Variants in PRKCH observed in about 807,000 individuals in gnomAD.
PRKCH encodes the protein protein kinase C eta.
PRKCH carries 28 observed loss-of-function variants against 82.5 expected under a neutral mutation model. The ratio of observed to expected loss-of-function variants is 0.34; its 90% confidence interval spans 0.25 to 0.47. The LOEUF is 0.47. Ranked by LOEUF, PRKCH falls within the 20% of genes least tolerant of loss-of-function variation. The pLI, the probability that PRKCH is intolerant of heterozygous loss-of-function variation, is 1.00. For missense variants in PRKCH, 705 were observed against 881.8 expected (o/e 0.80, Z 2.54); for synonymous variants, 322 against 327.4 (o/e 0.98, Z 0.18).
intron 11 of PRKCH, 138 bp from the exon 12 acceptor site, chr14:61,530,269 T>G: frequency 6.3e-6 from 6 of 948,314 alleles, no homozygotes; most frequent in Non-Finnish European, 9.0e-6. Context: ...AGAAATGGAA[T>G]GAAATACGCT....
At chr14:61,443,471 T>C (rs560071444) in intron 3 of PRKCH, among the ~76,000 whole-genome samples, 1 of 152,358 alleles carries the variant, frequency 6.6e-6, no homozygotes, top group South Asian at 2.1e-4. Flanking sequence ...AGATACCATT[T>C]CTTTTTAAAA....
At chr14:61,458,706 A>G (rs1284402341) in intron 9 of PRKCH, among the ~76,000 whole-genome samples, 2 of 152,316 alleles carry the variant, frequency 1.3e-5, no homozygotes, top group East Asian at 3.9e-4. Flanking sequence ...AGAAACTTAC[A>G]GTCATAGCGG....
chr14:61,200,134 C>A (rs1244232801), intron 1 of PRKCH, among the ~76,000 whole-genome samples: 1 of 152,084 alleles, frequency 6.6e-6, no homozygotes, highest in East Asian at 1.9e-4. Flanking sequence ...ACCCTTTCTG[C>A]AAGTGGAGGG....
At chr14:61,430,809 C>T (rs369142225) in intron 2 of PRKCH, among the ~76,000 whole-genome samples, 40 of 150,010 alleles carry the variant, frequency 2.7e-4, no homozygotes, top group Non-Finnish European at 5.2e-4. Flanking sequence ...GGCTAGAATG[C>T]GGTGTCGTGA....
intron 1 of PRKCH, among the ~76,000 whole-genome samples, chr14:61,206,531 T>C (rs1311339489): frequency 6.6e-6 from 1 of 152,182 alleles, no homozygotes; most frequent in Admixed American, 6.5e-5. Context: ...TCCAGGTAGA[T>C]ATGAATTTTA....
intron 10 of PRKCH, among the ~76,000 whole-genome samples, chr14:61,502,561 A>G (rs145640522): frequency 6.6e-5 from 10 of 152,162 alleles, no homozygotes; most frequent in African/African-American, 2.4e-4. Context: ...GTCATTATTT[A>G]TAACTGGATT....
Position 61,539,322 on chromosome 14 carries a change from T to G in PRKCH, c.1762-8421T>G, listed in dbSNP as rs182028862. Among the ~76,000 whole-genome samples the G allele has an allele frequency of 3.3e-4, 50 of 152,280 alleles. 1 individual carries two copies. The East Asian group carries it at 8.3e-3, about 25-fold the overall frequency. ...TATGTGCTTATGAAGGGCTGCTGGA[T>G]TCCAGTCACAGACAGCATGGAAAAC... is the stretch of plus-strand genomic sequence containing the variant. On this transcript the variant is annotated intron_variant, in intron 12 of 13. Transcript: ENST00000332981.
At chr14:61,355,802 C>T (rs1188402211) in intron 1 of PRKCH, among the ~76,000 whole-genome samples, 1 of 152,078 alleles carries the variant, frequency 6.6e-6, no homozygotes, top group African/African-American at 2.4e-5. Context: ...GCCACTTACA[C>T]ATTCTAGCCA....
intron 1 of PRKCH, among the ~76,000 whole-genome samples, chr14:61,358,613 CTCTGTG>C (rs954441383): frequency 1.3e-5 from 2 of 152,200 alleles, no homozygotes; most frequent in African/African-American, 4.8e-5. Context: ...CAGGCTGCCT[CTCTGTG>C]TCTAACAGGG....
chr14:61,325,455 C>T (rs905845287), intron 1 of PRKCH, among the ~76,000 whole-genome samples: 1 of 152,178 alleles, frequency 6.6e-6, no homozygotes, highest in African/African-American at 2.4e-5. Context: ...TACCTCACAT[C>T]CTACAAAGAC....
At chr14:61,352,554 C>T (rs1323108915) in intron 1 of PRKCH, among the ~76,000 whole-genome samples, 2 of 151,826 alleles carry the variant, frequency 1.3e-5, no homozygotes, top group Admixed American at 6.6e-5. Context: ...GTCCCAGCTA[C>T]TCGGGAAGCT....
chr14:61,530,044 G>A (rs979811648), intron 11 of PRKCH, among the ~76,000 whole-genome samples: 8 of 152,112 alleles, frequency 5.3e-5, no homozygotes, highest in South Asian at 2.1e-4. Flanking sequence ...GCGTCATTTA[G>A]CAGAACTAAA....
At chr14:61,326,608 G>A (rs1367896294) in intron 1 of PRKCH, among the ~76,000 whole-genome samples, 1 of 152,080 alleles carries the variant, frequency 6.6e-6, no homozygotes, top group Non-Finnish European at 1.5e-5. Flanking sequence ...TAAAGCTGTG[G>A]GGAAAAAAAC....
At chr14:61,291,563 C>T (rs1387597358) in intron 1 of PRKCH, among the ~76,000 whole-genome samples, 1 of 152,102 alleles carries the variant, frequency 6.6e-6, no homozygotes, top group South Asian at 2.1e-4. Flanking sequence ...CTCCTGACCT[C>T]AGGTGATCTG....
intron 6 of PRKCH, among the ~76,000 whole-genome samples, chr14:61,451,495 G>A: frequency 6.6e-6 from 1 of 152,144 alleles, no homozygotes; most frequent in South Asian, 2.1e-4. Context: ...GCTGCCCTGG[G>A]TCTTGTGAAA....
In PRKCH at chr14:61,322,106, C is replaced by T. The variant is rs958832530; in HGVS notation, c.5C>T (p.Ser2Leu). The T allele has an allele frequency of 3.9e-6, 6 of 1,554,046 alleles. No individual in the cohort carries two copies. The highest frequency in any genetic ancestry group is 1.2e-5 in the South Asian group (1 of 85,402). ...GGCCGGGGCAGCGGCGCCGGCATGT[C>T]GTCTGGCACCATGAAGTTCAATGGC... M[S>L]SGTMKFNGYL... Residue 2 changes from serine (S) to leucine (L), a missense_variant, in exon 1 of 14, where the codon TCG becomes TTG. Physicochemically the swap from Ser to Leu is moderately radical, Grantham distance 145 (BLOSUM62 -2). Transcript: ENST00000332981.
intron 1 of PRKCH, among the ~76,000 whole-genome samples, chr14:61,272,043 G>A (rs1224808410): frequency 6.6e-6 from 1 of 151,996 alleles, no homozygotes; most frequent in African/African-American, 2.4e-5. Context: ...GGTTAACACG[G>A]TGAAACCCCG....
chr14:61,491,577 A>G (rs915725101), intron 10 of PRKCH, among the ~76,000 whole-genome samples: 15 of 152,160 alleles, frequency 9.9e-5, no homozygotes, highest in African/African-American at 3.4e-4. Context: ...TTCAACTCTC[A>G]CCAGAAAGTG....
chr14:61,312,621 T>C (rs1017464265), intron 1 of PRKCH, among the ~76,000 whole-genome samples: 1 of 152,164 alleles, frequency 6.6e-6, no homozygotes, highest in Non-Finnish European at 1.5e-5. Context: ...CTCTCAATCA[T>C]GGCAGAAGGT....
Sources: allele counts gnomAD v4.1 joint callset (sites outside exome capture counted in the v4.1 genomes callset), GRCh38; gene constraint gnomAD v4.1.1; transcripts MANE v1.5; gene names NCBI Gene and HGNC (gene_info 2026-07-23, HGNC 2026-07-21).